The following AGBL1 variants were observed in gnomAD, a reference collection of about 807,000 sequenced individuals.
AGBL1 encodes the protein cytosolic carboxypeptidase 4.
In AGBL1, 130 loss-of-function variants were observed where a neutral mutation model predicts 118.9. The ratio of observed to expected loss-of-function variants is 1.09; its 90% CI spans 0.95 to 1.26. The LOEUF is 1.26. Ranked by LOEUF, AGBL1 falls within the 50% of genes most tolerant of loss-of-function variation. The pLI is 0.00. For synonymous variants in AGBL1, 555 were observed against 478.9 expected (o/e 1.16, Z -2.08); for missense variants, 1,584 against 1,298.1 (o/e 1.22, Z -3.38).
At chr15:86,957,726 C>A (rs922295009) in intron 23 of AGBL1, among the ~76,000 whole-genome samples, 29 of 152,048 alleles carry the variant, frequency 1.9e-4, no homozygotes, top group African/African-American at 6.3e-4. Context: ...GTAGATTTAT[C>A]CCTTAATAAA....
At chr15:86,647,690 G>C (rs2085307522) in intron 21 of AGBL1, among the ~76,000 whole-genome samples, 1 of 152,132 alleles carries the variant, frequency 6.6e-6, no homozygotes, top group African/African-American at 2.4e-5. Flanking sequence ...GACAGAGCAA[G>C]ACTCTGTCTC....
intron 21 of AGBL1, among the ~76,000 whole-genome samples, chr15:86,558,519 T>C (rs1442038980): frequency 6.6e-6 from 1 of 152,208 alleles, no homozygotes; most frequent in African/African-American, 2.4e-5. Flanking sequence ...CTCACAGGTA[T>C]TGTTACAGCA....
intron 22 of AGBL1, among the ~76,000 whole-genome samples, chr15:86,881,951 G>T (rs1409499074): frequency 6.6e-6 from 1 of 152,068 alleles, no homozygotes; most frequent in Admixed American, 6.5e-5. Context: ...CGATCCAATC[G>T]CCTCCCACCA....
chr15:86,164,575 C>A (rs2141725977), intron 5 of AGBL1, among the ~76,000 whole-genome samples: 1 of 152,298 alleles, frequency 6.6e-6, no homozygotes, highest in African/African-American at 2.4e-5. Flanking sequence ...TGGCCACGTG[C>A]TTGACCTTTT....
chr15:86,213,444 C>A (rs2078134406), intron 5 of AGBL1, among the ~76,000 whole-genome samples: 1 of 152,178 alleles, frequency 6.6e-6, no homozygotes. Flanking sequence ...GTTGGAAGTG[C>A]AGTTTCTCAG....
chr15:86,171,748 A>T (rs761744975), intron 5 of AGBL1, among the ~76,000 whole-genome samples: 1 of 152,214 alleles, frequency 6.6e-6, no homozygotes, highest in African/African-American at 2.4e-5. Context: ...TCTGCTGCAT[A>T]TAAGAACCAC....
chr15:86,807,411 C>A (rs189008287), intron 22 of AGBL1, among the ~76,000 whole-genome samples: 1 of 152,094 alleles, frequency 6.6e-6, no homozygotes. Flanking sequence ...AGTAGGAGCA[C>A]CAAAAATATT....
intron 3 of AGBL1, among the ~76,000 whole-genome samples, chr15:86,144,976 G>A (rs1302771124): frequency 6.6e-6 from 1 of 152,184 alleles, no homozygotes; most frequent in African/African-American, 2.4e-5. Flanking sequence ...TGGAGTCTCT[G>A]AGGGAGAATC....
chr15:86,403,665 A>C (rs940673530), intron 18 of AGBL1, among the ~76,000 whole-genome samples: 6 of 152,214 alleles, frequency 3.9e-5, no homozygotes, highest in African/African-American at 1.2e-4. Flanking sequence ...ACTATAGCCC[A>C]ACAAATGTAG....
intron 24 of AGBL1, among the ~76,000 whole-genome samples, chr15:86,992,364 T>C (rs916453267): frequency 6.6e-6 from 1 of 152,218 alleles, no homozygotes; most frequent in African/African-American, 2.4e-5. Context: ...CGGAACTATG[T>C]AAGATACTTA....
At chr15:86,642,902 A>G (rs1480134491) in intron 21 of AGBL1, among the ~76,000 whole-genome samples, 1 of 152,202 alleles carries the variant, frequency 6.6e-6, no homozygotes, top group Non-Finnish European at 1.5e-5. Flanking sequence ...AAACTAACTC[A>G]TACTGTTAAA....
chr15:86,142,327 T>A (rs1233205756), intron 2 of AGBL1, among the ~76,000 whole-genome samples: 1 of 152,206 alleles, frequency 6.6e-6, no homozygotes, highest in Non-Finnish European at 1.5e-5. Context: ...GTTCTACCCC[T>A]CTTCTCGCCC....
chr15:86,444,060 C>T lies in AGBL1; in HGVS notation c.2555+46514C>T, dbSNP rs146121296. 1.8e-3 allele frequency among the ~76,000 whole-genome samples: 280 copies of T among 152,308 alleles called. 1 individual carries two copies. Among genetic ancestry groups the T allele is most frequent in the Admixed American group, 3.0e-3 (46 of 15,302 alleles). On this transcript the variant is annotated intron_variant, in intron 18 of 22. Coordinates refer to ENST00000614907, the MANE Select transcript of AGBL1 (RefSeq NM_001386094.1). ...TTTCCATAAAGGTGGTGCTAATTCA[C>T]ATTCCCACCAACAGTGTACCAGCAT...
chr15:86,642,175 C>T (rs1053096979), intron 21 of AGBL1, among the ~76,000 whole-genome samples: 3 of 152,040 alleles, frequency 2.0e-5, no homozygotes, highest in Non-Finnish European at 2.9e-5. Flanking sequence ...ACTGTAAAGT[C>T]ATATGGAAAC....
intron 5 of AGBL1, among the ~76,000 whole-genome samples, chr15:86,187,177 A>G (rs1050529208): frequency 1.3e-5 from 2 of 152,250 alleles, no homozygotes; most frequent in African/African-American, 4.8e-5. Flanking sequence ...TGTACATAGT[A>G]TCAGCAATTA....
intron 22 of AGBL1, among the ~76,000 whole-genome samples, chr15:86,834,331 A>T (rs1326039219): frequency 1.3e-5 from 2 of 152,160 alleles, no homozygotes; most frequent in Non-Finnish European, 2.9e-5. Context: ...CAAGAAATCA[A>T]AAAAGGGAAG....
chr15:87,010,378 C>A (rs2081546272), intron 24 of AGBL1, among the ~76,000 whole-genome samples: 1 of 152,168 alleles, frequency 6.6e-6, no homozygotes, highest in Non-Finnish European at 1.5e-5. Flanking sequence ...ATCCGTTAAA[C>A]CTCTCTCTTT....
intron 5 of AGBL1, among the ~76,000 whole-genome samples, chr15:86,159,464 A>G (rs1287303181): frequency 6.6e-6 from 1 of 152,144 alleles, no homozygotes; most frequent in Non-Finnish European, 1.5e-5. Flanking sequence ...CAGGGTCTCT[A>G]AAGAGACAGC....
downstream of AGBL1, among the ~76,000 whole-genome samples, chr15:86,919,451 C>T (rs1170767979): frequency 1.3e-5 from 2 of 151,920 alleles, no homozygotes; most frequent in Non-Finnish European, 1.5e-5. Context: ...GATGAAAAGA[C>T]CAGAAACACA....
Sources: gnomAD v4.1 joint callset for allele counts (sites outside exome capture counted in the v4.1 genomes callset) on GRCh38, gnomAD v4.1.1 for gene constraint, MANE v1.5 for transcripts, NCBI Gene and HGNC (gene_info 2026-07-23, HGNC 2026-07-21) for gene names.